The following NPIPA9 variants were observed in gnomAD, a reference collection of about 807,000 sequenced individuals.
The protein encoded by NPIPA9 is nuclear pore complex-interacting protein family member A9.
At position 18,375,185 on chromosome 16, in the gene NPIPA9, T is replaced by C. The variant is rs1429697776; in HGVS notation, c.-307-116A>G. On this transcript the variant is annotated intron_variant, in intron 1 of 9. Transcript: ENST00000427999. The stretch of plus-strand genomic sequence containing the variant: ...CCCGGTGCCATCTGACAGAATGTCC[T>C]AGAATGCTAGATATATGGGACATCT... 64 of 531,390 alleles carry C rather than the reference T, an allele frequency of 1.2e-4. 16 individuals are homozygous for C. Among genetic ancestry groups the C allele is most frequent in the Non-Finnish European group, 1.9e-4 (59 of 304,800 alleles). 32.9% of individuals were successfully genotyped at this position (531,390 alleles called of 1,614,324 possible). A position where few individuals can be genotyped will look rare whatever the true frequency, so the allele number is the denominator to read the frequency against.
intron 4 of NPIPA9, among the ~76,000 whole-genome samples, 176 bp from the exon 5 acceptor site, chr16:18,364,810 T>C (rs1450329085): frequency 4.7e-5 from 2 of 42,254 alleles, no homozygotes; most frequent in Non-Finnish European, 7.9e-5. Context: ...GGCATGGCAG[T>C]GGGCGCCTGT....
intron 4 of NPIPA9, among the ~76,000 whole-genome samples, chr16:18,365,577 CA>C (rs1163144991): frequency 2.3e-3 from 1 of 426 alleles, no homozygotes. Flanking sequence ...GACTCTGTCT[CA>C]AAAAAAAAAA....
intron 3 of NPIPA9, chr16:18,371,403 G>T (rs1281421834): frequency 1.9e-5 from 3 of 161,298 alleles, no homozygotes. Flanking sequence ...AGTGAGCCGA[G>T]ATCTTGCCAC....
chr16:18,371,477 A>AAAAG (rs1214808508), intron 3 of NPIPA9, among the ~76,000 whole-genome samples: 7 of 123,740 alleles, frequency 5.7e-5, no homozygotes, highest in African/African-American at 1.2e-4. Flanking sequence ...AAAAAAAAAA[A>AAAAG]GTCATCAAAC....
intron 6 of NPIPA9, among the ~76,000 whole-genome samples, chr16:18,363,690 T>G (rs1475188920): frequency 6.4e-5 from 1 of 15,546 alleles, no homozygotes; most frequent in African/African-American, 3.7e-4. Context: ...AAAAAAAGCC[T>G]GGGTGTGGTG....
At chr16:18,372,742 T>G (rs1441671459) in exon 3 of NPIPA9, 122 of 5,108 alleles carry the variant, frequency 0.024, 1 homozygote, top group African/African-American at 0.062. Flanking sequence ...GTGCCAGGTT[T>G]TACAGCCTCC....
At chr16:18,375,360 A>C (rs1392508830) in intron 1 of NPIPA9, among the ~76,000 whole-genome samples, 2 of 147,130 alleles carry the variant, frequency 1.4e-5, no homozygotes, top group East Asian at 4.0e-4. Flanking sequence ...GCACTGGCGC[A>C]ATCTCAGCTC....
intron 2 of NPIPA9, chr16:18,374,443 A>C (rs1900571783): frequency 2.9e-6 from 1 of 339,588 alleles, no homozygotes; most frequent in Non-Finnish European, 5.2e-6. Flanking sequence ...TGTCTCAAAA[A>C]AAAAAAAAAA....
chr16:18,370,330 G>C (rs1427739113), intron 3 of NPIPA9, among the ~76,000 whole-genome samples: 2 of 129,440 alleles, frequency 1.5e-5, no homozygotes, highest in Non-Finnish European at 3.3e-5. Flanking sequence ...TGGAGATCAT[G>C]AAAATGGCAT....
chr16:18,364,846 G>A (rs1182332481), intron 4 of NPIPA9, among the ~76,000 whole-genome samples: 13 of 78,652 alleles, frequency 1.7e-4, no homozygotes, highest in Non-Finnish European at 2.4e-4. Flanking sequence ...GGAGGCTGAG[G>A]CAGAGAACCG....
At chr16:18,365,309 G>A (rs1469939992) in intron 4 of NPIPA9, among the ~76,000 whole-genome samples, 2 of 76,274 alleles carry the variant, frequency 2.6e-5, no homozygotes, top group African/African-American at 8.1e-5. Flanking sequence ...GGCCAGGTGC[G>A]GTAGCTCACG....
chr16:18,365,210 G>A (rs1490010592), intron 4 of NPIPA9, among the ~76,000 whole-genome samples: 2 of 81,302 alleles, frequency 2.5e-5, no homozygotes, highest in South Asian at 7.9e-4. Flanking sequence ...GCAGGAAAAG[G>A]TTGTGTTGAG....
intron 3 of NPIPA9, among the ~76,000 whole-genome samples, chr16:18,370,555 T>G (rs367856566): frequency 1.3e-5 from 1 of 76,548 alleles, no homozygotes; most frequent in Non-Finnish European, 2.7e-5. Context: ...TTCAACAGGT[T>G]GAACTCAGCA....
intron 1 of NPIPA9, among the ~76,000 whole-genome samples, chr16:18,375,327 C>T (rs111726216): frequency 2.7e-5 from 4 of 148,538 alleles, no homozygotes; most frequent in Admixed American, 6.7e-5. Context: ...GATGGAGTCT[C>T]GCTCTGTCAC....
intron 3 of NPIPA9, among the ~76,000 whole-genome samples, chr16:18,371,477 A>AAAAT (rs1214808508): frequency 8.1e-6 from 1 of 123,708 alleles, no homozygotes; most frequent in African/African-American, 3.0e-5. Context: ...AAAAAAAAAA[A>AAAAT]GTCATCAAAC....
chr16:18,365,002 T>C (rs1360514880), intron 4 of NPIPA9, among the ~76,000 whole-genome samples: 1 of 132,534 alleles, frequency 7.5e-6, no homozygotes, highest in Non-Finnish European at 1.6e-5. Context: ...GAGGCTGGCA[T>C]GGTGGCTCAC....
Position 18,371,558 on chromosome 16 carries a change from C to A in NPIPA9, c.63+1165G>T, listed in dbSNP as rs961760531. On this transcript the variant is annotated intron_variant, in intron 3 of 9. Coordinates refer to ENST00000427999, the Ensembl canonical transcript of NPIPA9. ...TTGTTTGTTAGAGACAAGAGTGCAG[C>A]GGGGCCATCTCGGCTCACTGCAACG... is the stretch of plus-strand genomic sequence containing the variant. Among the ~76,000 whole-genome samples, 18 of 109,748 alleles carry A rather than the reference C, an allele frequency of 1.6e-4. 1 individual carries two copies. Among genetic ancestry groups the A allele is most frequent in the Non-Finnish European group, 2.8e-4 (15 of 53,310 alleles). The allele number at this position is 109,748 out of a possible 152,430, so 72.0% of individuals were successfully genotyped here.
chr16:18,369,955 ATTAC>A (rs1203472784), intron 3 of NPIPA9, among the ~76,000 whole-genome samples: 1 of 147,382 alleles, frequency 6.8e-6, no homozygotes, highest in Non-Finnish European at 1.5e-5. Flanking sequence ...CAATGAAGAG[ATTAC>A]TTCATTCACA....
At position 18,375,134 on chromosome 16, in the gene NPIPA9, C is replaced by G. The variant is rs1032523952; in HGVS notation, c.-307-65G>C. On this transcript the variant is annotated intron_variant, in intron 1 of 9. Coordinates refer to ENST00000427999, the Ensembl canonical transcript of NPIPA9. Reference sequence around the variant, plus strand: ...ACCTGCTCAGGACAGGGATGAGAAGCCACCTCCTCAGCAGACAGGACAGAG... The same window carrying G: ...ACCTGCTCAGGACAGGGATGAGAAGGCACCTCCTCAGCAGACAGGACAGAG... 77 of 584,654 alleles carry G rather than the reference C, an allele frequency of 1.3e-4. 19 individuals are homozygous for G. In the East Asian group the frequency reaches 1.4e-3, roughly 11 times the overall value. 36.2% of individuals were successfully genotyped at this position (584,654 alleles called of 1,614,324 possible).
Sources: gnomAD v4.1 joint callset for allele counts (sites outside exome capture counted in the v4.1 genomes callset) on GRCh38, gnomAD v4.1.1 for gene constraint, MANE v1.5 for transcripts, NCBI Gene and HGNC (gene_info 2026-07-23, HGNC 2026-07-21) for gene names.